The following USP30 variants were observed in gnomAD, a reference collection of about 807,000 sequenced individuals.
USP30 encodes ubiquitin carboxyl-terminal hydrolase 30.
In USP30, 41 loss-of-function variants were observed where a neutral mutation model predicts 68.2. That is an observed-to-expected ratio of 0.60 (90% confidence interval 0.47 to 0.78). The LOEUF is 0.78. Ranked by LOEUF, USP30 falls within the 30% of genes least tolerant of loss-of-function variation. The probability of loss-of-function intolerance (pLI) is 0.00; values close to 1 mark genes in which losing one functional copy is unlikely to be tolerated. For synonymous variants in USP30, 229 were observed against 253.7 expected (o/e 0.90, Z 0.93); for missense variants, 522 against 649.4 (o/e 0.80, Z 2.13).
chr12:109,048,299 C>T (rs1055099031), upstream of USP30, among the ~76,000 whole-genome samples: 5 of 151,936 alleles, frequency 3.3e-5, no homozygotes, highest in East Asian at 3.9e-4. Flanking sequence ...TGCCCAGACT[C>T]GTCTCAGACT....
At chr12:109,039,283 T>G (rs1317253885) in intron 3 of USP30, among the ~76,000 whole-genome samples, 1 of 152,216 alleles carries the variant, frequency 6.6e-6, no homozygotes, top group African/African-American at 2.4e-5. Context: ...CTTGTTACAT[T>G]CTTTTACAAT....
At chr12:109,026,369 C>G (rs1375320826) in intron 2 of USP30, among the ~76,000 whole-genome samples, 1 of 152,004 alleles carries the variant, frequency 6.6e-6, no homozygotes, top group Non-Finnish European at 1.5e-5. Flanking sequence ...GCCACCAGAC[C>G]TGGCCTAAAA....
Position 109,086,269 on chromosome 12 carries a change from T to C in USP30, c.*338T>C. 4.8e-6 allele frequency: 1 copy of C among 207,386 alleles called. No individual in the cohort carries two copies. Among genetic ancestry groups the C allele is most frequent in the South Asian group, 1.6e-4 (1 of 6,374 alleles). 12.8% of individuals were successfully genotyped at this position (207,386 alleles called of 1,614,324 possible). On this transcript the variant is annotated 3_prime_UTR_variant, in exon 13 of 13. Coordinates refer to ENST00000257548, the MANE Select transcript of USP30 (RefSeq NM_032663.5). ...ATGTTAGGTGTTCTCAGAGGGGAGG[T>C]ACCTTTGTCTAATCAACGTTTCCAC...
upstream of USP30, chr12:109,052,532 T>A: frequency 1.5e-6 from 1 of 675,258 alleles, no homozygotes; most frequent in Non-Finnish European, 2.2e-6. Flanking sequence ...CCGGTCCCCC[T>A]GGGAGCTGTC....
chr12:109,066,627 G>A (rs1170665005), intron 3 of USP30, among the ~76,000 whole-genome samples: 1 of 152,224 alleles, frequency 6.6e-6, no homozygotes, highest in African/African-American at 2.4e-5. Context: ...GGAGGTTGCA[G>A]TGAGCTGAGA....
chr12:109,057,031 T>C (rs2040898284), intron 2 of USP30, among the ~76,000 whole-genome samples: 1 of 152,152 alleles, frequency 6.6e-6, no homozygotes. Flanking sequence ...TAATGAAAAA[T>C]GTCAAGCGGC....
intron 11 of USP30, among the ~76,000 whole-genome samples, chr12:109,084,550 A>T (rs182259144): frequency 6.6e-6 from 1 of 152,310 alleles, no homozygotes; most frequent in Admixed American, 6.5e-5. Context: ...GCTGTTCAAC[A>T]TCCTCTAATG....
rs868630074 is a variant in USP30, at chr12:109,081,393, G to A, written c.780G>A (p.Trp260Ter). The A allele has an allele frequency of 2.5e-6, 4 of 1,613,874 alleles. No individual in the cohort carries two copies. The highest frequency in any genetic ancestry group is 2.5e-6 in the Non-Finnish European group (3 of 1,179,960). ...SLSLSIPAATWGHPLTLDHCL... is the reference protein window; with the variant it reads ...SLSLSIPAAT ...CACTAAGTATTCCAGCCGCCACATG[G>A]GTATGTACTGATTTATGGTTTATTT... The change falls in exon 8 of 13, where the codon TGG (tryptophan) becomes TGA (stop). Residue 260 changes from tryptophan to a stop codon, truncating the protein, a stop_gained and splice_region_variant. Transcript: ENST00000257548. LOFTEE classifies it high-confidence loss of function.
At chr12:109,051,249 CTTTTTTTTTTTTTT>C (rs138942249), upstream of USP30, among the ~76,000 whole-genome samples, 1 of 63,566 alleles carries the variant, frequency 1.6e-5, no homozygotes, top group African/African-American at 7.4e-5. Context: ...TTACCTCTTG[CTTTTTTTTTTTTTT>C]TTTTTTTTTT....
intron 12 of USP30, 106 bp downstream of exon 12, chr12:109,085,179 C>T: frequency 8.2e-7 from 1 of 1,213,428 alleles, no homozygotes; most frequent in South Asian, 2.7e-5. Context: ...GTTTATTTTT[C>T]ATTTTAAGGT....
intron 1 of USP30, chr12:109,054,024 GGGT>G: frequency 2.2e-6 from 1 of 455,826 alleles, no homozygotes; most frequent in African/African-American, 2.0e-5. Context: ...TGCATCTGTG[GGGT>G]TGTTTTAAAA....
chr12:109,076,590 A>C (rs189525103), intron 7 of USP30, among the ~76,000 whole-genome samples: 1 of 152,170 alleles, frequency 6.6e-6, no homozygotes, highest in East Asian at 1.9e-4. Context: ...TCATACTGAC[A>C]AACTTCCCTT....
intron 3 of USP30, among the ~76,000 whole-genome samples, chr12:109,066,552 C>T (rs746852377): frequency 1.3e-5 from 2 of 152,002 alleles, no homozygotes; most frequent in African/African-American, 2.4e-5. Flanking sequence ...GGCATGGTAG[C>T]GCATGCCTTG....
intron 3 of USP30, among the ~76,000 whole-genome samples, chr12:109,044,133 G>A (rs892980146): frequency 1.3e-5 from 2 of 152,196 alleles, no homozygotes; most frequent in Non-Finnish European, 2.9e-5. Flanking sequence ...ATTACTGTAT[G>A]ATTCCACTTA....
intron 1 of USP30, among the ~76,000 whole-genome samples, chr12:109,055,742 G>C (rs907811980): frequency 6.7e-6 from 1 of 148,670 alleles, no homozygotes; most frequent in African/African-American, 2.5e-5. Flanking sequence ...GTATGATCTA[G>C]ACACTTGAGC....
intron 7 of USP30, among the ~76,000 whole-genome samples, chr12:109,078,130 A>G (rs905477942): frequency 6.6e-6 from 1 of 152,164 alleles, no homozygotes; most frequent in South Asian, 2.1e-4. Context: ...ACAATTTTCC[A>G]TAATAGCTGC....
At chr12:109,056,202 GTTT>G (rs869134998) in intron 1 of USP30, among the ~76,000 whole-genome samples, 13 of 136,566 alleles carry the variant, frequency 9.5e-5, no homozygotes, top group Middle Eastern at 3.7e-3. Flanking sequence ...TGTTGTTGTT[GTTT>G]TTTATGAGAC....
In USP30 at chr12:109,039,841, C is replaced by A. The variant is rs140726743; in HGVS notation, c.-135-7749C>A. 3.3e-3 allele frequency among the ~76,000 whole-genome samples: 501 copies of A among 152,224 alleles called. 5 individuals carry two copies. The highest frequency in any genetic ancestry group is 0.021 in the South Asian group (103 of 4,822). On this transcript the variant is annotated intron_variant, in intron 3 of 15. Transcript: ENST00000392784. ...GGCCAGGATGATCTCGATCTCTTGA[C>A]CTCATGATCTGCCTGCCTTGGCCTC...
upstream of USP30, among the ~76,000 whole-genome samples, chr12:109,051,917 A>G (rs1029896110): frequency 6.6e-6 from 1 of 152,220 alleles, no homozygotes; most frequent in East Asian, 1.9e-4. Context: ...ATGTAAAATT[A>G]CCTATGTGGC....
Sources: gnomAD v4.1 joint callset for allele counts (sites outside exome capture counted in the v4.1 genomes callset) on GRCh38, gnomAD v4.1.1 for gene constraint, MANE v1.5 for transcripts, NCBI Gene and HGNC (gene_info 2026-07-23, HGNC 2026-07-21) for gene names.